GRM5: variants seen among roughly 807,000 people sequenced by gnomAD.
GRM5 encodes metabotropic glutamate receptor 5.
In GRM5, 19 loss-of-function variants were observed where a neutral mutation model predicts 83.1. That is an observed-to-expected ratio of 0.23 (90% CI 0.16 to 0.34). GRM5 has a LOEUF of 0.34. Ranked by LOEUF, GRM5 falls within the 10% of genes least tolerant of loss-of-function variation. The probability of loss-of-function intolerance (pLI) is 1.00; values close to 1 mark genes in which losing one functional copy is unlikely to be tolerated. For missense variants in GRM5, 1,160 were observed against 1,588.3 expected, an observed-to-expected ratio of 0.73 and a Z score of 4.58; for synonymous variants, 675 against 633.6, an observed-to-expected ratio of 1.07 and a Z score of -0.98.
In GRM5 at chr11:89,013,528, G is replaced by A. The variant is rs183635241; in HGVS notation, c.661+33684C>T. On this transcript the variant is annotated intron_variant, in intron 2 of 9. Coordinates refer to ENST00000305447, the MANE Select transcript of GRM5 (RefSeq NM_001143831.3). ...TGAAGTCAACAATACAAATTCAGGCGTCAAGCCTCACTCTCACACCTGACA... is the reference window on the plus strand; with the variant it reads ...TGAAGTCAACAATACAAATTCAGGCATCAAGCCTCACTCTCACACCTGACA... Among the ~76,000 whole-genome samples, 415 of 152,266 alleles carry A rather than the reference G, an allele frequency of 2.7e-3. 2 individuals carry two copies. The highest frequency in any genetic ancestry group is 9.2e-3 in the African/African-American group (381 of 41,560).
In GRM5 at chr11:88,902,950, C is replaced by CAAAA. The variant is rs201996144; in HGVS notation, c.662-52799_662-52796dup. ...TGGGCGACAGACCAAGACTCCATCT[C>CAAAA]AAAAAAAAAAAAAAAAAAAAAAAAA... On this transcript the variant is annotated intron_variant, in intron 2 of 9. Transcript: ENST00000305447. Among the ~76,000 whole-genome samples, 54 of 61,860 alleles carry CAAAA rather than the reference C, an allele frequency of 8.7e-4. 5 individuals carry two copies. The highest frequency in any genetic ancestry group is 3.8e-3 in the African/African-American group (34 of 8,876). The allele number at this position is 61,860 out of a possible 152,430, so 40.6% of individuals were successfully genotyped here. A position where few individuals can be genotyped will look rare whatever the true frequency, so the allele number is the denominator to read the frequency against.
In GRM5 at chr11:88,849,980, C is replaced by T; in HGVS notation, c.837G>A (p.Glu279=). Reference sequence around the variant, plus strand: ...TCAGCAGACCTCTCACCGTCATGCCCTCACAGAAGCAGGCCACCACCCGGG... The same window carrying T: ...TCAGCAGACCTCTCACCGTCATGCCTTCACAGAAGCAGGCCACCACCCGGG... ...PKARVVACFC[E]GMTVRGLLMA... Residue 279 remains glutamate, a synonymous_variant, in exon 3 of 10, where the codon GAG becomes GAA. Coordinates refer to ENST00000305447, the MANE Select transcript of GRM5 (RefSeq NM_001143831.3). 5 of 1,614,064 alleles carry T rather than the reference C, an allele frequency of 3.1e-6. No individual in the cohort carries two copies. Among genetic ancestry groups the T allele is most frequent in the Non-Finnish European group, 4.2e-6 (5 of 1,179,946 alleles).
chr11:88,718,011 T>C (rs1941438583), intron 3 of GRM5, among the ~76,000 whole-genome samples: 1 of 151,886 alleles, frequency 6.6e-6, no homozygotes, highest in African/African-American at 2.4e-5. Context: ...ATTCTTTTGC[T>C]TATAATTTTG....
intron 4 of GRM5, among the ~76,000 whole-genome samples, chr11:88,651,615 C>T (rs12282278): frequency 7.0e-4 from 107 of 152,144 alleles, no homozygotes; most frequent in African/African-American, 2.4e-3. Context: ...TTGTTTCTCA[C>T]GTATTTTGCC....
At chr11:88,869,335 G>T (rs1944723226) in intron 2 of GRM5, among the ~76,000 whole-genome samples, 1 of 151,422 alleles carries the variant, frequency 6.6e-6, no homozygotes, top group Non-Finnish European at 1.5e-5. Context: ...ATGGAAAAAA[G>T]GAAATAATCA....
chr11:88,770,687 C>T (rs1942716234), intron 3 of GRM5, among the ~76,000 whole-genome samples: 1 of 152,038 alleles, frequency 6.6e-6, no homozygotes, highest in African/African-American at 2.4e-5. Context: ...AATTTTATCA[C>T]ATGAAAGGAG....
chr11:89,009,917 A>C (rs1177820678), intron 2 of GRM5, among the ~76,000 whole-genome samples: 2 of 144,134 alleles, frequency 1.4e-5, no homozygotes, highest in African/African-American at 5.1e-5. Context: ...AAAAAAAAAA[A>C]AAAAAAAAAA....
chr11:89,052,484 GA>G (rs1260282412), intron 1 of GRM5, among the ~76,000 whole-genome samples: 1 of 152,094 alleles, frequency 6.6e-6, no homozygotes, highest in East Asian at 1.9e-4. Context: ...ATATTTCAGA[GA>G]AAAACGTATC....
At chr11:88,860,134 AT>A (rs1202903002) in intron 2 of GRM5, among the ~76,000 whole-genome samples, 1 of 152,120 alleles carries the variant, frequency 6.6e-6, no homozygotes, top group East Asian at 1.9e-4. Flanking sequence ...AGCTTTTATT[AT>A]TTTTTAAAAT....
chr11:88,812,926 A>C (rs566932111), intron 3 of GRM5, among the ~76,000 whole-genome samples: 1 of 152,256 alleles, frequency 6.6e-6, no homozygotes, highest in African/African-American at 2.4e-5. Flanking sequence ...ATCTCTGTCT[A>C]TGCTTGTTTC....
At chr11:88,804,607 A>G (rs1364158427) in intron 3 of GRM5, among the ~76,000 whole-genome samples, 2 of 152,050 alleles carry the variant, frequency 1.3e-5, no homozygotes, top group African/African-American at 4.8e-5. Flanking sequence ...TAATGGGTGC[A>G]GCACACCAGC....
intron 3 of GRM5, among the ~76,000 whole-genome samples, chr11:88,715,413 C>T (rs866974286): frequency 7.6e-6 from 1 of 132,438 alleles, no homozygotes; most frequent in African/African-American, 2.8e-5. Context: ...TAATATCCCT[C>T]CCTGATGGCA....
At chr11:88,537,136 T>G (rs1331448831) in intron 8 of GRM5, among the ~76,000 whole-genome samples, 1 of 152,178 alleles carries the variant, frequency 6.6e-6, no homozygotes, top group Non-Finnish European at 1.5e-5. Flanking sequence ...AATAATCTGA[T>G]GGCACATTTG....
chr11:88,906,174 G>A (rs1249164318), intron 2 of GRM5, among the ~76,000 whole-genome samples: 11 of 152,122 alleles, frequency 7.2e-5, no homozygotes, highest in Admixed American at 7.2e-4. Flanking sequence ...TAAATCAAAA[G>A]CATTTATGGT....
intron 9 of GRM5, among the ~76,000 whole-genome samples, chr11:88,521,590 C>T (rs974520797): frequency 1.3e-5 from 2 of 152,250 alleles, no homozygotes; most frequent in African/African-American, 4.8e-5. Context: ...TTAGAGCCAC[C>T]TCCCTGTTTA....
chr11:88,991,802 C>A (rs995357637), intron 2 of GRM5, among the ~76,000 whole-genome samples: 1 of 151,988 alleles, frequency 6.6e-6, no homozygotes, highest in Non-Finnish European at 1.5e-5. Flanking sequence ...GGAAAACTGG[C>A]TAGCCATATG....
chr11:88,918,489 T>C (rs1282471203), intron 2 of GRM5, among the ~76,000 whole-genome samples: 1 of 151,886 alleles, frequency 6.6e-6, no homozygotes, highest in African/African-American at 2.4e-5. Flanking sequence ...TACCAGATCT[T>C]TCCTAAAGAA....
rs377562037 is a variant in GRM5 at position 88,988,622 on chromosome 11, T to C, written c.661+58590A>G. ...GGGCAGCCAGAGAGAAAGGTCGGGT[T>C]ACCCTCAAAGGGAAGCCCATCAGAC... On this transcript the variant is annotated intron_variant, in intron 2 of 9. Transcript: ENST00000305447. 2.6e-5 allele frequency among the ~76,000 whole-genome samples: 4 copies of C among 151,356 alleles called. No homozygotes were observed. In the East Asian group the frequency reaches 7.8e-4, roughly 29 times the overall value.
At chr11:88,559,436 C>G (rs1293384449) in intron 8 of GRM5, among the ~76,000 whole-genome samples, 1 of 152,178 alleles carries the variant, frequency 6.6e-6, no homozygotes, top group East Asian at 1.9e-4. Context: ...CTTCTACTTA[C>G]TATCTGAATG....
Sources: allele counts gnomAD v4.1 joint callset (sites outside exome capture counted in the v4.1 genomes callset), GRCh38; gene constraint gnomAD v4.1.1; transcripts MANE v1.5; gene names NCBI Gene and HGNC (gene_info 2026-07-23, HGNC 2026-07-21).